RANBP2: variants seen among roughly 807,000 people sequenced by gnomAD.
The protein encoded by RANBP2 is E3 SUMO-protein ligase RanBP2.
In RANBP2, 57 loss-of-function variants were observed where a neutral mutation model predicts 303.6. That is an observed-to-expected ratio of 0.19 (90% confidence interval 0.15 to 0.23). The LOEUF (loss-of-function observed/expected upper bound fraction) is 0.23, where lower values mean the gene tolerates loss of function less well. Ranked by LOEUF, RANBP2 falls within the 10% of genes least tolerant of loss-of-function variation. RANBP2 has a pLI of 1.00. For synonymous variants in RANBP2, 1,167 were observed against 1,301.5 expected, an observed-to-expected ratio of 0.90 and a Z score of 2.23; for missense variants, 3,138 against 3,780.8, an observed-to-expected ratio of 0.83 and a Z score of 4.46.
the RANBP2 span, among the ~76,000 whole-genome samples, chr2:109,151,075 G>A: frequency 2.2e-3 from 339 of 152,312 alleles, 1 homozygote; most frequent in Middle Eastern, 6.8e-3. Context: ...TTGCACAAAA[G>A]CCAACAGCCA....
chr2:108,735,623 A>T lies in RANBP2; in HGVS notation c.497A>T (p.His166Leu), dbSNP rs1391807148. 1.9e-6 allele frequency: 3 copies of T among 1,597,626 alleles called. No homozygotes were observed. The highest frequency in any genetic ancestry group is 8.5e-7 in the Non-Finnish European group (1 of 1,179,792). The change falls in exon 5 of 29, where the codon CAT becomes CTT. Residue 166 changes from histidine to leucine, a missense_variant. This residue lies in a region of RANBP2 where 306 missense variants were observed against 381.9 expected (regional missense o/e 0.80). Transcript: ENST00000283195. ...CTTTATGTAAGACCTGATGACGTCC[A>T]TGTGAACATCCGGCTAGTGGAGGTG... ...SELYVRPDDVHVNIRLVEVYR... is the reference protein window; with the variant it reads ...SELYVRPDDVLVNIRLVEVYR...
chr2:109,013,094 G>A, the RANBP2 span, among the ~76,000 whole-genome samples: 1 of 152,192 alleles, frequency 6.6e-6, no homozygotes, highest in Non-Finnish European at 1.5e-5. Flanking sequence ...TTCCAGCCAA[G>A]GAGCCTGTAA....
At chr2:109,482,540 TG>T in the RANBP2 span, among the ~76,000 whole-genome samples, 1 of 152,168 alleles carries the variant, frequency 6.6e-6, no homozygotes, top group East Asian at 1.9e-4. Flanking sequence ...GTGGTGAACT[TG>T]GCCGGTCATC....
chr2:109,712,550 G>T, the RANBP2 span, among the ~76,000 whole-genome samples: 51 of 152,006 alleles, frequency 3.4e-4, no homozygotes, highest in Non-Finnish European at 6.3e-4. Flanking sequence ...TCCTGCCTCC[G>T]CCTCCCAAGT....
the RANBP2 span, among the ~76,000 whole-genome samples, chr2:108,878,054 A>G: frequency 6.6e-6 from 1 of 152,216 alleles, no homozygotes; most frequent in Non-Finnish European, 1.5e-5. Flanking sequence ...AAATTATACC[A>G]CTTACGTACT....
the RANBP2 span, among the ~76,000 whole-genome samples, chr2:109,711,638 GC>G: frequency 4.6e-5 from 7 of 152,184 alleles, no homozygotes; most frequent in African/African-American, 1.4e-4. Context: ...AGCCTCGCTG[GC>G]CTGGCCTGCC....
chr2:109,533,720 G>A, the RANBP2 span, among the ~76,000 whole-genome samples: 7 of 152,214 alleles, frequency 4.6e-5, no homozygotes, highest in Non-Finnish European at 7.3e-5. Context: ...CATGTCAAGC[G>A]TAATTTCTAA....
chr2:109,160,155 G>A, the RANBP2 span, among the ~76,000 whole-genome samples: 1 of 152,116 alleles, frequency 6.6e-6, no homozygotes, highest in South Asian at 2.1e-4. Flanking sequence ...ATCTGCATGG[G>A]CCAGGTGTCA....
At chr2:109,683,547 C>T in the RANBP2 span, among the ~76,000 whole-genome samples, 1 of 152,160 alleles carries the variant, frequency 6.6e-6, no homozygotes, top group Non-Finnish European at 1.5e-5. Flanking sequence ...ACTTCCAATA[C>T]ATGGGCCAGT....
the RANBP2 span, among the ~76,000 whole-genome samples, chr2:109,220,282 G>C: frequency 2.0e-5 from 3 of 152,026 alleles, no homozygotes; most frequent in African/African-American, 7.2e-5. Flanking sequence ...ACTCAAAATG[G>C]GTTAAAGATC....
At chr2:109,375,146 A>G in the RANBP2 span, among the ~76,000 whole-genome samples, 1 of 152,186 alleles carries the variant, frequency 6.6e-6, no homozygotes, top group Non-Finnish European at 1.5e-5. Flanking sequence ...GCATTCACCC[A>G]TGAGCTGGGC....
At chr2:109,423,018 C>A in the RANBP2 span, among the ~76,000 whole-genome samples, 1 of 152,168 alleles carries the variant, frequency 6.6e-6, no homozygotes, top group Non-Finnish European at 1.5e-5. Context: ...TGGCACAGAG[C>A]CTTGGTCTGG....
chr2:109,333,496 G>A, the RANBP2 span, among the ~76,000 whole-genome samples: 1 of 152,180 alleles, frequency 6.6e-6, no homozygotes, highest in East Asian at 1.9e-4. Flanking sequence ...GAGGTTTCAC[G>A]TATAGCATAC....
the RANBP2 span, among the ~76,000 whole-genome samples, chr2:109,629,019 A>T: frequency 2.0e-5 from 3 of 151,676 alleles, no homozygotes; most frequent in African/African-American, 7.3e-5. Context: ...GCTGACCAAC[A>T]TGGTAAAACC....
chr2:109,385,510 T>G, the RANBP2 span, among the ~76,000 whole-genome samples: 11 of 152,258 alleles, frequency 7.2e-5, no homozygotes, highest in Non-Finnish European at 1.6e-4. Context: ...AGTCTTAGGT[T>G]TCATTCGATG....
chr2:109,715,323 G>T, the RANBP2 span, among the ~76,000 whole-genome samples: 2 of 152,072 alleles, frequency 1.3e-5, no homozygotes, highest in Admixed American at 6.6e-5. Context: ...GCCCAGGCTG[G>T]TCTCAAACTC....
At chr2:109,440,565 C>G in the RANBP2 span, among the ~76,000 whole-genome samples, 2 of 152,182 alleles carry the variant, frequency 1.3e-5, no homozygotes, top group South Asian at 4.1e-4. Flanking sequence ...AGGAATTACT[C>G]TCCCACATGA....
chr2:109,057,563 G>A, the RANBP2 span, among the ~76,000 whole-genome samples: 2 of 152,350 alleles, frequency 1.3e-5, no homozygotes, highest in African/African-American at 4.8e-5. Context: ...ACTCTGTGGA[G>A]AGTCACTTAC....
At chr2:108,915,105 C>T in the RANBP2 span, among the ~76,000 whole-genome samples, 1 of 152,130 alleles carries the variant, frequency 6.6e-6, no homozygotes, top group Non-Finnish European at 1.5e-5. Context: ...GAAAAATGCA[C>T]GTTGGCCAGG....
Sources: allele counts gnomAD v4.1 joint callset (sites outside exome capture counted in the v4.1 genomes callset), GRCh38; gene constraint gnomAD v4.1.1; regional missense constraint gnomAD v4.1.1; transcripts MANE v1.5; gene names NCBI Gene and HGNC (gene_info 2026-07-23, HGNC 2026-07-21).